Variants in PAK3 observed in about 807,000 individuals in gnomAD.
PAK3 encodes the protein p21 (RAC1) activated kinase 3.
In PAK3, 4 loss-of-function variants were observed where a neutral mutation model predicts 41.0. That is an observed-to-expected ratio of 0.10 (90% CI 0.05 to 0.22). The LOEUF (loss-of-function observed/expected upper bound fraction) is 0.22. Among genes scored for constraint, PAK3 ranks in the 10% least tolerant of loss-of-function variants. PAK3 has a pLI of 1.00. For synonymous variants in PAK3, 146 were observed against 139.6 expected, an observed-to-expected ratio of 1.05 and a Z score of -0.32; for missense variants, 205 against 409.9, an observed-to-expected ratio of 0.50 and a Z score of 4.32.
chrX:111,112,220 T>A (rs770828908), intron 4 of PAK3, among the ~76,000 whole-genome samples: 10 of 110,748 alleles, frequency 9.0e-5, no homozygotes, highest in African/African-American at 2.9e-4. Flanking sequence ...TTCGTCTCTA[T>A]GGATCTTATT....
intron 7 of PAK3, among the ~76,000 whole-genome samples, chrX:111,151,743 C>A (rs931951732): frequency 1.8e-5 from 2 of 111,562 alleles, no homozygotes; most frequent in Admixed American, 9.5e-5. Flanking sequence ...TAAAGTAGAA[C>A]AATTATAACA....
intron 1 of PAK3, among the ~76,000 whole-genome samples, chrX:111,041,047 C>A (rs1280360878): frequency 8.9e-6 from 1 of 112,618 alleles, no homozygotes; most frequent in East Asian, 2.8e-4. Context: ...TTTCTTCCAG[C>A]CCCCATCACA....
At chrX:111,044,694 G>A (rs1221759224) in intron 1 of PAK3, among the ~76,000 whole-genome samples, 1 of 112,261 alleles carries the variant, frequency 8.9e-6, no homozygotes, top group East Asian at 2.8e-4. Flanking sequence ...AGTCCCTCAG[G>A]TGCAGCTTTA....
At chrX:111,104,334 C>G (rs77068776) in intron 4 of PAK3, among the ~76,000 whole-genome samples, 2 of 109,114 alleles carry the variant, frequency 1.8e-5, no homozygotes, top group African/African-American at 3.4e-5. Context: ...AAAAAAAAAA[C>G]AGAAAAACTA....
chrX:111,091,002 TCAAA>T (rs200975951), intron 1 of PAK3, among the ~76,000 whole-genome samples: 1,734 of 111,627 alleles, frequency 0.016, 12 homozygotes, highest in Non-Finnish European at 0.025. Flanking sequence ...GGGAGAAAAA[TCAAA>T]CAGAGCATCA....
At chrX:110,949,910 T>A (rs2090706226) in intron 1 of PAK3, among the ~76,000 whole-genome samples, 1 of 111,555 alleles carries the variant, frequency 9.0e-6, no homozygotes, top group South Asian at 3.8e-4. Flanking sequence ...CATATTTAAA[T>A]GAAATAAAAA....
intron 8 of PAK3, among the ~76,000 whole-genome samples, chrX:111,157,007 T>A (rs1193866194): frequency 7.1e-5 from 8 of 112,233 alleles, no homozygotes; most frequent in Non-Finnish European, 1.1e-4. Context: ...TGCCATTATC[T>A]ATGCTTAGAG....
chrX:111,197,018 C>A (rs1174828348), intron 16 of PAK3, among the ~76,000 whole-genome samples: 1 of 108,841 alleles, frequency 9.2e-6, no homozygotes, highest in Non-Finnish European at 1.9e-5. Context: ...CAGATTATTT[C>A]ATCTCCCAGG....
At chrX:111,163,437 A>G in intron 9 of PAK3, 125 bp from the exon 10 acceptor site, 2 of 567,975 alleles carry the variant, frequency 3.5e-6, no homozygotes, top group South Asian at 2.6e-5. Flanking sequence ...TCAGCTACTC[A>G]AAGTCCTTTT....
chrX:111,211,373 G>A (rs188052823), intron 16 of PAK3, among the ~76,000 whole-genome samples: 1 of 111,213 alleles, frequency 9.0e-6, no homozygotes, highest in Admixed American at 9.5e-5. Context: ...GGAGAAAAAT[G>A]CACAAATTTT....
chrX:111,217,602 C>T, intron 17 of PAK3: 1 of 961,988 alleles, frequency 1.0e-6, no homozygotes, highest in Non-Finnish European at 1.3e-6. Flanking sequence ...TCAGATCATA[C>T]CTGGAATAAA....
intron 1 of PAK3, among the ~76,000 whole-genome samples, chrX:111,064,383 T>G (rs921832519): frequency 9.0e-6 from 1 of 111,223 alleles, no homozygotes; most frequent in East Asian, 2.8e-4. Context: ...TGGGTACATT[T>G]GATCTCATCA....
intron 1 of PAK3, among the ~76,000 whole-genome samples, chrX:111,081,744 A>G (rs1302274940): frequency 9.0e-6 from 1 of 111,471 alleles, no homozygotes; most frequent in African/African-American, 3.3e-5. Flanking sequence ...TATATATGTT[A>G]TATGTTATAT....
At chrX:110,975,399 C>A (rs2091307449) in intron 1 of PAK3, among the ~76,000 whole-genome samples, 1 of 111,749 alleles carries the variant, frequency 8.9e-6, no homozygotes, top group South Asian at 3.8e-4. Context: ...ATCCAACTAA[C>A]AAGGGATGTG....
chrX:111,186,393 C>T (rs755214041), intron 11 of PAK3, among the ~76,000 whole-genome samples: 2 of 111,322 alleles, frequency 1.8e-5, no homozygotes, highest in Non-Finnish European at 3.8e-5. Flanking sequence ...CTAGAAAACC[C>T]CATTGTCTCA....
At chrX:111,191,280 A>G (rs777246698) in intron 11 of PAK3, among the ~76,000 whole-genome samples, 19 of 110,934 alleles carry the variant, frequency 1.7e-4, no homozygotes, top group African/African-American at 5.9e-4. Flanking sequence ...TAAATTTTTC[A>G]TAGAGACTGG....
intron 1 of PAK3, among the ~76,000 whole-genome samples, chrX:110,993,842 C>T (rs2091695097): frequency 9.0e-6 from 1 of 111,170 alleles, no homozygotes; most frequent in African/African-American, 3.3e-5. Context: ...GGGAAATTTC[C>T]TCTGTAATTC....
rs1003182122 is a variant in PAK3 at position 111,197,520 on chromosome X, T to A, written c.1407+880T>A. Among the ~76,000 whole-genome samples, 4 of 112,172 alleles carry A rather than the reference T, an allele frequency of 3.6e-5. No homozygotes were observed. In the South Asian group the frequency reaches 1.5e-3, roughly 42 times the overall value. On this transcript the variant is annotated intron_variant, in intron 16 of 17. Transcript: ENST00000372007. ...TAATGGGATTGCTGAGTTAAATGAT[T>A]TATATTCCTTTGGGTATATACTCAG... is the stretch of plus-strand genomic sequence containing the variant.
At chrX:111,184,995 A>G (rs1045173999) in intron 11 of PAK3, among the ~76,000 whole-genome samples, 3 of 111,855 alleles carry the variant, frequency 2.7e-5, no homozygotes, top group African/African-American at 9.8e-5. Flanking sequence ...ACAATGGTTG[A>G]ACTAACTTAC....
Sources: gnomAD v4.1 joint callset for allele counts (sites outside exome capture counted in the v4.1 genomes callset) on GRCh38, gnomAD v4.1.1 for gene constraint, MANE v1.5 for transcripts, NCBI Gene and HGNC (gene_info 2026-07-23, HGNC 2026-07-21) for gene names.